The following TOP2B variants were observed in gnomAD, a reference collection of about 807,000 sequenced individuals.
TOP2B encodes DNA topoisomerase 2-beta.
A neutral mutation model predicts 193.5 loss-of-function variants in TOP2B; 51 were observed. The observed-to-expected ratio is 0.26, with a 90% CI of 0.21 to 0.33. TOP2B has a LOEUF of 0.33. Ranked by LOEUF, TOP2B falls within the 10% of genes least tolerant of loss-of-function variation. The pLI is 1.00. For synonymous variants in TOP2B, 634 were observed against 635.7 expected (o/e 1.00, Z 0.04); for missense variants, 1,378 against 1,909.3 (o/e 0.72, Z 5.19).
chr3:25,608,256 A>G (rs1459556760), intron 30 of TOP2B, among the ~76,000 whole-genome samples: 1 of 152,220 alleles, frequency 6.6e-6, no homozygotes, highest in East Asian at 1.9e-4. Flanking sequence ...GATACCAATT[A>G]TCGTGAAAGG....
At chr3:25,631,899 T>C (rs1021598101) in intron 10 of TOP2B, among the ~76,000 whole-genome samples, 2 of 152,066 alleles carry the variant, frequency 1.3e-5, no homozygotes, top group African/African-American at 2.4e-5. Flanking sequence ...AGGGCAGTTA[T>C]AGAGCATTTC....
At chr3:25,647,339 C>G (rs983960533) in intron 1 of TOP2B, among the ~76,000 whole-genome samples, 8 of 152,062 alleles carry the variant, frequency 5.3e-5, no homozygotes, top group Non-Finnish European at 7.4e-5. Flanking sequence ...TCATTAAAAT[C>G]ACACTCTAAG....
intron 28 of TOP2B, among the ~76,000 whole-genome samples, chr3:25,610,966 G>GTT (rs550462181): frequency 7.7e-4 from 117 of 152,292 alleles, no homozygotes; most frequent in Middle Eastern, 3.4e-3. Context: ...AAACTCCCAG[G>GTT]TTTTTGGCTT....
At chr3:25,614,626 A>T (rs1375039222) in intron 27 of TOP2B, among the ~76,000 whole-genome samples, 1 of 152,102 alleles carries the variant, frequency 6.6e-6, no homozygotes, top group Non-Finnish European at 1.5e-5. Flanking sequence ...AACTTTAAAA[A>T]AAAAAAGTAG....
Position 25,664,406 on chromosome 3 carries a change from C to CT in TOP2B, c.-110dup. Reference sequence around the variant, plus strand: ...ACCCACCGCTCCACTCGCCGCACTCCTAGCCGCGCCGACCCCCGCGCCCCA... The same window carrying CT: ...ACCCACCGCTCCACTCGCCGCACTCCTTAGCCGCGCCGACCCCCGCGCCCCA... On this transcript the variant is annotated 5_prime_UTR_variant, in exon 1 of 36. An upstream open reading frame in the 5' UTR loses its in-frame stop. Coordinates refer to ENST00000264331, the MANE Select transcript of TOP2B (RefSeq NM_001330700.2). 1 of 1,297,608 alleles carries CT rather than the reference C, an allele frequency of 7.7e-7. No homozygotes were observed. Among genetic ancestry groups the CT allele is most frequent in the Non-Finnish European group, 9.7e-7 (1 of 1,030,106 alleles). 80.4% of individuals were successfully genotyped at this position (1,297,608 alleles called of 1,614,324 possible).
chr3:25,600,824 G>C (rs1274575375), intron 34 of TOP2B, among the ~76,000 whole-genome samples: 1 of 152,200 alleles, frequency 6.6e-6, no homozygotes, highest in African/African-American at 2.4e-5. Flanking sequence ...CTTTCAGTGA[G>C]TTGGCTGCAG....
chr3:25,629,379 T>C (rs1289209618), intron 13 of TOP2B, among the ~76,000 whole-genome samples: 2 of 152,068 alleles, frequency 1.3e-5, no homozygotes, highest in Non-Finnish European at 2.9e-5. Context: ...ATCTGTTTTA[T>C]AGTTTCCCCA....
chr3:25,627,328 G>A (rs747053820), intron 15 of TOP2B, 32 bp from the exon 16 acceptor site: 42 of 1,373,356 alleles, frequency 3.1e-5, no homozygotes, highest in Non-Finnish European at 4.1e-5. Context: ...AGTGAGTCAT[G>A]AATATCAATG....
In TOP2B at chr3:25,664,110, G is replaced by A. The variant is rs1421906991; in HGVS notation, c.69+119C>T. ...GATTCTGCAAGCACAGGCCCCTATG[G>A]AGCGCCCGTTCGGGGGACGGGATTT... is the stretch of plus-strand genomic sequence containing the variant. On this transcript the variant is annotated intron_variant, in intron 1 of 35. Coordinates refer to ENST00000264331, the MANE Select transcript of TOP2B (RefSeq NM_001330700.2). 2.2e-5 allele frequency: 32 copies of A among 1,445,330 alleles called. No individual in the cohort carries two copies. In the East Asian group the frequency reaches 8.0e-4, roughly 36 times the overall value. The allele number at this position is 1,445,330 out of a possible 1,614,324, so 89.5% of individuals were successfully genotyped here.
intron 23 of TOP2B, 48 bp from the exon 24 acceptor site, chr3:25,618,897 A>AT (rs1263566786): frequency 1.5e-6 from 2 of 1,340,830 alleles, no homozygotes. Flanking sequence ...CTGTACTGGT[A>AT]TTTTAACTTA....
chr3:25,620,781 T>C lies in TOP2B; in HGVS notation c.2763A>G (p.Gln921=). Residue 921 remains glutamine (Q), a synonymous_variant, in exon 22 of 36, where the codon CAA becomes CAG. Transcript: ENST00000264331. ...PNYKNFKGTI[Q]ELGQNQYAVS... ...CTGCATACTGGTTTTGACCAAGTTC[T>C]TGAATCGTGCCTTTAAAGTTTTTGT... The C allele has an allele frequency of 6.2e-7, 1 of 1,613,658 alleles. No individual in the cohort carries two copies. The highest frequency in any genetic ancestry group is 8.5e-7 in the Non-Finnish European group (1 of 1,179,690).
At chr3:25,629,671 C>G (rs1283400511) in intron 13 of TOP2B, among the ~76,000 whole-genome samples, 1 of 152,140 alleles carries the variant, frequency 6.6e-6, no homozygotes, top group East Asian at 1.9e-4. Context: ...CGATTACCAT[C>G]ATTTTACTAT....
At chr3:25,629,925 C>A in intron 13 of TOP2B, 104 bp downstream of exon 13, 3 of 1,210,600 alleles carry the variant, frequency 2.5e-6, no homozygotes, top group South Asian at 1.9e-5. Flanking sequence ...GATGTATAAT[C>A]ACTTTCAGTT....
chr3:25,661,279 G>A (rs190264988), intron 1 of TOP2B, among the ~76,000 whole-genome samples: 2,048 of 152,302 alleles, frequency 0.013, 19 homozygotes, highest in Middle Eastern at 0.031. Flanking sequence ...GATTACAGGC[G>A]TGAGCCACCG....
In TOP2B at chr3:25,659,943, A is replaced by G. The variant is rs116304045; in HGVS notation, c.69+4286T>C. On this transcript the variant is annotated intron_variant, in intron 1 of 35. Coordinates refer to ENST00000264331, the MANE Select transcript of TOP2B (RefSeq NM_001330700.2). ...CTCTAAACCCGTTTCCTTCTCTGCA[A>G]ATAGGAATAACTATAGCTACTTCAA... is the stretch of plus-strand genomic sequence containing the variant. 1.5e-3 allele frequency among the ~76,000 whole-genome samples: 228 copies of G among 152,306 alleles called. 3 individuals are homozygous for G. The highest frequency in any genetic ancestry group is 5.3e-3 in the African/African-American group (222 of 41,560).
intron 34 of TOP2B, among the ~76,000 whole-genome samples, chr3:25,599,877 T>C (rs1322780915): frequency 1.3e-5 from 2 of 152,226 alleles, no homozygotes; most frequent in African/African-American, 4.8e-5. Flanking sequence ...GGGATTTAAA[T>C]ATTTTTTTTC....
rs61751634 is a variant in TOP2B, at chr3:25,604,777, G to A, written c.4472C>T (p.Thr1491Met). The A allele has an allele frequency of 8.7e-3, 13,971 of 1,612,160 alleles. 851 individuals are homozygous for A. In the East Asian group the frequency reaches 0.16, roughly 18 times the overall value. The change falls in exon 33 of 36, where the codon ACG becomes ATG. Residue 1491 changes from threonine (T) to methionine (M), a missense_variant. This residue lies in a region of TOP2B where 556 missense variants were observed against 584.2 expected (regional missense o/e 0.95). Coordinates refer to ENST00000264331, the MANE Select transcript of TOP2B (RefSeq NM_001330700.2). ...LKQTDKVPSK[T>M]VAAKKGKPSS... is the part of the protein sequence containing the mutation. ...GTACATACCCTTTTTAGCAGCTACCGTTTTACTTGGAACTTTATCTGTCTG... is the reference window on the plus strand; with the variant it reads ...GTACATACCCTTTTTAGCAGCTACCATTTTACTTGGAACTTTATCTGTCTG...
rs909189938 is a variant in TOP2B, at chr3:25,664,421, C to G, written c.-124G>C. 3 of 1,270,990 alleles carry G rather than the reference C, an allele frequency of 2.4e-6. No homozygotes were observed. The African/African-American group carries it at 4.7e-5, about 20-fold the overall frequency. 78.7% of individuals were successfully genotyped at this position (1,270,990 alleles called of 1,614,324 possible). The stretch of plus-strand genomic sequence containing the variant: ...CGCCGCACTCCTAGCCGCGCCGACC[C>G]CCGCGCCCCATCGCGAAGATCCGGA... On this transcript the variant is annotated 5_prime_UTR_variant, in exon 1 of 36. Transcript: ENST00000264331.
chr3:25,660,324 A>C (rs1297514172), intron 1 of TOP2B, among the ~76,000 whole-genome samples: 2 of 152,218 alleles, frequency 1.3e-5, no homozygotes, highest in African/African-American at 4.8e-5. Context: ...TAAACAAGGA[A>C]AATACATGCT....
Sources: gnomAD v4.1 joint callset for allele counts (sites outside exome capture counted in the v4.1 genomes callset) on GRCh38, gnomAD v4.1.1 for gene constraint, gnomAD v4.1.1 regional missense constraint, MANE v1.5 for transcripts, NCBI Gene and HGNC (gene_info 2026-07-23, HGNC 2026-07-21) for gene names.